Variants in RGPD1 observed in about 807,000 individuals in gnomAD.
RGPD1 encodes RANBP2 like and GRIP domain containing 1.
In RGPD1, 7 loss-of-function variants were observed where a neutral mutation model predicts 40.6. The observed-to-expected ratio is 0.17, with a 90% confidence interval of 0.10 to 0.32. RGPD1 has a LOEUF of 0.32. Among genes scored for constraint, RGPD1 ranks in the 10% least tolerant of loss-of-function variants. The pLI is 1.00. For missense variants in RGPD1, 50 were observed against 472.5 expected, an observed-to-expected ratio of 0.11 and a Z score of 8.29; for synonymous variants, 24 against 167.0, an observed-to-expected ratio of 0.14 and a Z score of 6.60.
intron 1 of RGPD1, among the ~76,000 whole-genome samples, chr2:86,932,143 CT>C (rs1679038067): frequency 7.7e-6 from 1 of 130,204 alleles, no homozygotes. Context: ...TTTCAGCCAT[CT>C]TTCCCTTGCT....
chr2:86,919,440 G>A (rs1346878865), intron 1 of RGPD1, among the ~76,000 whole-genome samples: 3 of 141,580 alleles, frequency 2.1e-5, no homozygotes, highest in Non-Finnish European at 3.0e-5. Flanking sequence ...GACTTCCCAT[G>A]TCACTCAGAG....
At chr2:86,941,051 T>C (rs1453500496), upstream of RGPD1, among the ~76,000 whole-genome samples, 1 of 150,506 alleles carries the variant, frequency 6.6e-6, no homozygotes, top group Non-Finnish European at 1.5e-5. Flanking sequence ...ATTTAGAAAA[T>C]ATGGAAAAAC....
chr2:86,933,948 G>A (rs1679162047), intron 1 of RGPD1, among the ~76,000 whole-genome samples: 1 of 142,014 alleles, frequency 7.0e-6, no homozygotes, highest in Non-Finnish European at 1.5e-5. Flanking sequence ...GTAGAGACGG[G>A]GTCTCACCAT....
rs1408493680 is a variant in RGPD1 at position 86,930,573 on chromosome 2, A to C, written c.72+16652A>C. The C allele has an allele frequency of 1.1e-5, 17 of 1,610,648 alleles. No homozygotes were observed. The East Asian group carries it at 3.6e-4, about 34-fold the overall frequency. On this transcript the variant is annotated intron_variant, in intron 1 of 22. Transcript: ENST00000398193. ...AAAGAGGATGAGGACAGTCCAGAGC[A>C]GCCAGAACCACCAGAGCTCATAGTA...
At chr2:86,914,745 C>CCTGGCCTAAGGTACTTCTGTT (rs1677694674) in intron 1 of RGPD1, among the ~76,000 whole-genome samples, 4 of 37,792 alleles carry the variant, frequency 1.1e-4, no homozygotes, top group African/African-American at 2.0e-4. Context: ...GCGGCGGCGG[C>CCTGGCCTAAGGTACTTCTGTT]GGCGGCGGCC....
At chr2:86,914,044 GC>G (rs1677591436) in intron 1 of RGPD1, 1 of 91,310 alleles carries the variant, frequency 1.1e-5, no homozygotes, top group Non-Finnish European at 2.1e-5. Context: ...GGCGGCGGCG[GC>G]GGCGGCGGCG....
At chr2:86,943,539 A>G (rs1257866437) in intron 1 of RGPD1, among the ~76,000 whole-genome samples, 1 of 152,154 alleles carries the variant, frequency 6.6e-6, no homozygotes, top group Non-Finnish European at 1.5e-5. Flanking sequence ...TTTGGCTTGA[A>G]TAATCACAGC....
chr2:86,988,457 A>AC (rs1681578748), intron 20 of RGPD1, among the ~76,000 whole-genome samples: 1 of 101,804 alleles, frequency 9.8e-6, no homozygotes, highest in African/African-American at 3.5e-5. Context: ...AAAAAAAAAA[A>AC]AACAAAAAAA....
chr2:86,926,481 G>A (rs1678516444), intron 1 of RGPD1, among the ~76,000 whole-genome samples: 1 of 151,640 alleles, frequency 6.6e-6, no homozygotes, highest in African/African-American at 2.4e-5. Context: ...TAGGTGATAT[G>A]GATAATACTC....
At chr2:86,931,699 A>G (rs1678977672) in intron 1 of RGPD1, among the ~76,000 whole-genome samples, 1 of 148,672 alleles carries the variant, frequency 6.7e-6, no homozygotes. Context: ...TGAATGGCAA[A>G]TAAATAAATA....
intron 1 of RGPD1, among the ~76,000 whole-genome samples, chr2:86,923,061 G>A (rs1391982092): frequency 4.0e-5 from 5 of 124,214 alleles, no homozygotes; most frequent in Non-Finnish European, 8.3e-5. Flanking sequence ...TTTTTGAGAC[G>A]GAGTATCGTT....
chr2:86,915,101 G>T (rs1339619803), intron 1 of RGPD1, among the ~76,000 whole-genome samples: 1 of 150,048 alleles, frequency 6.7e-6, no homozygotes, highest in African/African-American at 2.4e-5. Flanking sequence ...TTCGAGACCA[G>T]CCTGGCCAAC....
At chr2:86,942,647 C>T (rs1172574073) in intron 1 of RGPD1, among the ~76,000 whole-genome samples, 3 of 133,186 alleles carry the variant, frequency 2.3e-5, no homozygotes, top group African/African-American at 5.6e-5. Context: ...GCGCCGGCCT[C>T]GACCTGGCCG....
intron 1 of RGPD1, chr2:86,917,492 A>G: frequency 7.2e-5 from 1 of 13,854 alleles, no homozygotes; most frequent in Non-Finnish European, 1.4e-4. Flanking sequence ...TTTTAATAGT[A>G]CAAACGTGTT....
Position 86,913,878 on chromosome 2 carries a change from G to T in RGPD1, c.29G>T (p.Arg10Leu), listed in dbSNP as rs200790913. The change falls in exon 1 of 23, where the codon CGG (arginine) becomes CTG (leucine). Residue 10 changes from arginine to leucine, a missense_variant. By Grantham distance (102) the Arg-to-Leu change is moderately radical. Coordinates refer to the RGPD1 transcript ENST00000398193. The stretch of plus-strand genomic sequence containing the variant: ...AGGCGCAGCAAGGCCTACGGGGAGC[G>T]GTACCTCGCCTCGGTGCAGGGCTCC... The T allele has an allele frequency of 3.5e-3, 5,550 of 1,579,868 alleles. 262 individuals carry two copies. In the African/African-American group the frequency reaches 0.066, roughly 19 times the overall value.
intron 1 of RGPD1, among the ~76,000 whole-genome samples, chr2:86,914,082 G>GGGC (rs1169436520): frequency 2.9e-4 from 10 of 34,592 alleles, no homozygotes; most frequent in Admixed American, 5.6e-4. Context: ...CGGCCTGGCC[G>GGGC]GGCGGCGGCG....
chr2:86,944,272 A>G (rs1402470185), intron 1 of RGPD1, among the ~76,000 whole-genome samples: 1 of 152,200 alleles, frequency 6.6e-6, no homozygotes, highest in Non-Finnish European at 1.5e-5. Context: ...TCCAGAGAAG[A>G]AGGATAGATA....
chr2:87,000,545 A>G (rs1206878346), intron 22 of RGPD1, among the ~76,000 whole-genome samples: 2 of 95,842 alleles, frequency 2.1e-5, no homozygotes, highest in Non-Finnish European at 4.1e-5. Context: ...TGCCCTTTAA[A>G]GATTATTTCC....
chr2:86,939,577 T>TC, upstream of RGPD1, among the ~76,000 whole-genome samples: 1 of 111,140 alleles, frequency 9.0e-6, no homozygotes, highest in Non-Finnish European at 1.8e-5. Flanking sequence ...AAACTCCGTC[T>TC]CAAAAAAAAA....
Sources: allele counts gnomAD v4.1 joint callset (sites outside exome capture counted in the v4.1 genomes callset), GRCh38; gene constraint gnomAD v4.1.1; transcripts MANE v1.5; gene names NCBI Gene and HGNC (gene_info 2026-07-23, HGNC 2026-07-21).